Variants in MYO10 observed in about 807,000 individuals in gnomAD.
MYO10 encodes unconventional myosin-X.
A neutral mutation model predicts 257.3 loss-of-function variants in MYO10; 133 were observed. The ratio of observed to expected loss-of-function variants is 0.52; its 90% CI spans 0.45 to 0.60. The LOEUF is 0.60. Ranked by LOEUF, MYO10 falls within the 20% of genes least tolerant of loss-of-function variation. The probability of loss-of-function intolerance (pLI) is 0.00; values close to 1 mark genes in which losing one functional copy is unlikely to be tolerated. For synonymous variants in MYO10, 1,104 were observed against 1,028.6 expected (o/e 1.07, Z -1.40); for missense variants, 2,399 against 2,635.7 (o/e 0.91, Z 1.97).
In MYO10 at chr5:16,935,893, G is replaced by C. The variant is rs1746428852; in HGVS notation, c.-85C>G. On this transcript the variant is annotated 5_prime_UTR_variant, in exon 1 of 41. Transcript: ENST00000513610. ...CCGCGGGTCCGGGGAAACCATGCGT[G>C]TCACGGCGCCACTCCCGAGGACGCG... 2 of 1,547,656 alleles carry C rather than the reference G, an allele frequency of 1.3e-6. No homozygotes were observed. The highest frequency in any genetic ancestry group is 2.4e-5 in the East Asian group (1 of 42,026).
In MYO10 at chr5:16,710,901, A is replaced by C; in HGVS notation, c.2169+7T>G. ...TCGGTGGGAGTTGCTCTTTCTCCGCATCGTACCTTGGTCTTCCCCAGCTGC... is the reference window on the plus strand; with the variant it reads ...TCGGTGGGAGTTGCTCTTTCTCCGCCTCGTACCTTGGTCTTCCCCAGCTGC... On this transcript the variant is annotated splice_region_variant and intron_variant, in intron 21 of 40. Coordinates refer to ENST00000513610, the MANE Select transcript of MYO10 (RefSeq NM_012334.3). 6.2e-7 allele frequency: 1 copy of C among 1,611,928 alleles called. No individual in the cohort carries two copies. Among genetic ancestry groups the C allele is most frequent in the Non-Finnish European group, 8.5e-7 (1 of 1,179,056 alleles).
intron 2 of MYO10, among the ~76,000 whole-genome samples, chr5:16,869,136 T>G (rs1049284764): frequency 1.3e-5 from 2 of 151,332 alleles, no homozygotes; most frequent in Non-Finnish European, 2.9e-5. Context: ...GCCATTCTCC[T>G]GCCTCAGCCT....
chr5:16,761,361 G>T, intron 17 of MYO10, 103 bp downstream of exon 17: 1 of 906,256 alleles, frequency 1.1e-6, no homozygotes, highest in African/African-American at 1.7e-5. Context: ...ACAATACTAA[G>T]TTTCTTACAT....
At chr5:16,888,197 T>C (rs1744945744) in intron 1 of MYO10, among the ~76,000 whole-genome samples, 1 of 152,066 alleles carries the variant, frequency 6.6e-6, no homozygotes, top group African/African-American at 2.4e-5. Context: ...CCCAATCATA[T>C]ACCAGGCACT....
At position 16,663,759 on chromosome 5, in the gene MYO10, C is replaced by T. The variant is rs529223356; in HGVS notation, c.*2933G>A. 2 of 152,022 alleles carry T rather than the reference C, an allele frequency of 1.3e-5. No homozygotes were observed. The highest frequency in any genetic ancestry group is 4.8e-5 in the African/African-American group (2 of 41,442). The allele number at this position is 152,022 out of a possible 1,614,324, so 9.4% of individuals were successfully genotyped here. On this transcript the variant is annotated 3_prime_UTR_variant, in exon 41 of 41. Coordinates refer to ENST00000513610, the MANE Select transcript of MYO10 (RefSeq NM_012334.3). ...CACGGTATAACAGCTATTTATGCAG[C>T]ATTTATGTTGTGCTAGGTATCTGTA... is the stretch of plus-strand genomic sequence containing the variant.
intron 21 of MYO10, among the ~76,000 whole-genome samples, chr5:16,710,156 T>G (rs1381240558): frequency 6.6e-6 from 1 of 152,162 alleles, no homozygotes; most frequent in East Asian, 1.9e-4. Context: ...GGATTCACTC[T>G]TCGAGGACAC....
Position 16,792,152 on chromosome 5 carries a change from G to C in MYO10, c.467+2494C>G, listed in dbSNP as rs537182621. ...ACACACAGAGAGAGAGAGAGAGAGA[G>C]AGAGAGAGAGAGGGAGAGACAGAGA... On this transcript the variant is annotated intron_variant, in intron 4 of 40. Transcript: ENST00000513610. Among the ~76,000 whole-genome samples, 5 of 149,236 alleles carry C rather than the reference G, an allele frequency of 3.4e-5. No homozygotes were observed. In the South Asian group the frequency reaches 6.6e-4, roughly 20 times the overall value.
At chr5:16,764,148 A>C (rs1740800057) in intron 12 of MYO10, 102 bp downstream of exon 12, 2 of 886,156 alleles carry the variant, frequency 2.3e-6, no homozygotes, top group Non-Finnish European at 3.0e-6. Context: ...CTCCTTCTCA[A>C]AAAAAAAAAG....
chr5:16,749,251 C>T (rs1740309450), intron 19 of MYO10, among the ~76,000 whole-genome samples: 1 of 152,096 alleles, frequency 6.6e-6, no homozygotes, highest in Non-Finnish European at 1.5e-5. Flanking sequence ...CTTTGGGAGG[C>T]TGAGGCAGGT....
chr5:16,878,752 G>T (rs928501670), intron 1 of MYO10, among the ~76,000 whole-genome samples: 1 of 152,076 alleles, frequency 6.6e-6, no homozygotes, highest in African/African-American at 2.4e-5. Context: ...AACAACATAC[G>T]TTCTCGCTTA....
At chr5:16,921,359 G>A (rs71609344) in intron 1 of MYO10, among the ~76,000 whole-genome samples, 7,992 of 152,078 alleles carry the variant, frequency 0.053, 215 homozygotes, top group Non-Finnish European at 0.064. Flanking sequence ...AAGCACTTAG[G>A]GGGTGAGGGG....
chr5:16,845,967 A>G (rs747842363), intron 2 of MYO10, among the ~76,000 whole-genome samples: 5 of 152,138 alleles, frequency 3.3e-5, no homozygotes, highest in Admixed American at 2.6e-4. Context: ...TGTCTCAAAA[A>G]AAAAAGAAAA....
chr5:16,819,840 T>C (rs1330839856), intron 2 of MYO10, among the ~76,000 whole-genome samples: 1 of 152,198 alleles, frequency 6.6e-6, no homozygotes, highest in Non-Finnish European at 1.5e-5. Flanking sequence ...TAGAGAAAAA[T>C]TACAACTTCA....
At chr5:16,842,742 T>C (rs1055236933) in intron 2 of MYO10, among the ~76,000 whole-genome samples, 1 of 151,872 alleles carries the variant, frequency 6.6e-6, no homozygotes, top group Non-Finnish European at 1.5e-5. Context: ...CAAAGCAACT[T>C]AGCAAAAACC....
At chr5:16,928,377 A>G (rs1234256043) in intron 1 of MYO10, among the ~76,000 whole-genome samples, 1 of 152,048 alleles carries the variant, frequency 6.6e-6, no homozygotes, top group Non-Finnish European at 1.5e-5. Context: ...GGATTTTATT[A>G]GAGACAGGGT....
At chr5:16,855,010 C>T (rs538285154) in intron 2 of MYO10, among the ~76,000 whole-genome samples, 5 of 151,460 alleles carry the variant, frequency 3.3e-5, no homozygotes, top group South Asian at 2.1e-4. Context: ...TCAGCCCAGA[C>T]GACAACAGTG....
At chr5:16,728,475 C>A (rs556331915) in intron 19 of MYO10, among the ~76,000 whole-genome samples, 1 of 151,648 alleles carries the variant, frequency 6.6e-6, no homozygotes, top group Non-Finnish European at 1.5e-5. Flanking sequence ...AAAAAGGGAA[C>A]CCCTGGATCG....
At chr5:16,816,840 G>A (rs2126703384) in intron 3 of MYO10, among the ~76,000 whole-genome samples, 1 of 127,438 alleles carries the variant, frequency 7.8e-6, no homozygotes, top group Non-Finnish European at 1.6e-5. Flanking sequence ...TTTTTTCTGA[G>A]ACAGAGTTTC....
intron 19 of MYO10, among the ~76,000 whole-genome samples, chr5:16,715,131 A>G (rs1738795556): frequency 8.0e-6 from 1 of 124,778 alleles, no homozygotes. Flanking sequence ...AAAGAACAAC[A>G]TAGGGCAATT....
Sources: allele counts gnomAD v4.1 joint callset (sites outside exome capture counted in the v4.1 genomes callset), GRCh38; gene constraint gnomAD v4.1.1; transcripts MANE v1.5; gene names NCBI Gene and HGNC (gene_info 2026-07-23, HGNC 2026-07-21).